RERE: variants seen among roughly 807,000 people sequenced by gnomAD.
RERE encodes the protein arginine-glutamic acid dipeptide repeats protein.
Under a neutral mutation model 146.1 loss-of-function variants are expected in RERE, and 40 were observed. That is an observed-to-expected ratio of 0.27 (90% CI 0.21 to 0.36). RERE has a LOEUF of 0.36. Among genes scored for constraint, RERE ranks in the 10% least tolerant of loss-of-function variants. The pLI, the probability that RERE is intolerant of heterozygous loss-of-function variation, is 1.00. For missense variants in RERE, 1,933 were observed against 2,138.7 expected, an observed-to-expected ratio of 0.90 and a Z score of 1.90; for synonymous variants, 1,003 against 866.0, an observed-to-expected ratio of 1.16 and a Z score of -2.78.
At chr1:8,610,135 T>C in intron 4 of RERE, among the ~76,000 whole-genome samples, 1 of 152,190 alleles carries the variant, frequency 6.6e-6, no homozygotes, top group East Asian at 1.9e-4. Context: ...TTTTAAATTA[T>C]TTTCAACACC....
rs1643792804 is a variant in RERE at position 8,416,963 on chromosome 1, T to C, written c.1284+5764A>G. On this transcript the variant is annotated intron_variant, in intron 12 of 22. Transcript: ENST00000400908. ...GGCCTGAGGAGCACACTGTGAGCAG[T>C]GAGGATAGACAACGTTTGTAGAAGA... Among the ~76,000 whole-genome samples, 2 of 151,334 alleles carry C rather than the reference T, an allele frequency of 1.3e-5. 1 individual carries two copies. Among genetic ancestry groups the C allele is most frequent in the South Asian group, 4.1e-4 (2 of 4,830 alleles).
intron 11 of RERE, chr1:8,465,208 G>A (rs1296589071): frequency 2.6e-5 from 4 of 154,516 alleles, no homozygotes; most frequent in Non-Finnish European, 5.8e-5. Context: ...ACTGTCTGCT[G>A]GATGGGAATC....
At chr1:8,501,295 C>T (rs1645148750) in intron 8 of RERE, among the ~76,000 whole-genome samples, 1 of 126,402 alleles carries the variant, frequency 7.9e-6, no homozygotes, top group Non-Finnish European at 1.7e-5. Context: ...AAGTGAGGAC[C>T]CCTCTGCCCG....
chr1:8,494,328 G>A (rs1187689765), intron 10 of RERE, among the ~76,000 whole-genome samples: 1 of 152,152 alleles, frequency 6.6e-6, no homozygotes, highest in Non-Finnish European at 1.5e-5. Flanking sequence ...CAGAAACAGT[G>A]AAGTACAAAA....
intron 6 of RERE, among the ~76,000 whole-genome samples, chr1:8,545,638 G>T (rs1379768162): frequency 6.8e-6 from 1 of 146,244 alleles, no homozygotes; most frequent in Non-Finnish European, 1.5e-5. Flanking sequence ...GGAGTCTTAA[G>T]AATAAAAAAT....
chr1:8,532,595 A>AT (rs1435113174), intron 7 of RERE, among the ~76,000 whole-genome samples: 1 of 149,770 alleles, frequency 6.7e-6, no homozygotes, highest in East Asian at 2.0e-4. Context: ...TAATATTATT[A>AT]TTTTTAATTT....
intron 8 of RERE, among the ~76,000 whole-genome samples, chr1:8,501,142 G>A (rs1186959817): frequency 6.8e-6 from 1 of 146,624 alleles, no homozygotes; most frequent in Non-Finnish European, 1.5e-5. Flanking sequence ...TGCCCGGCCA[G>A]CTGCCCCGTC....
intron 1 of RERE, among the ~76,000 whole-genome samples, chr1:8,711,187 A>G (rs1403406952): frequency 6.0e-4 from 83 of 138,598 alleles, no homozygotes; most frequent in African/African-American, 1.2e-3. Context: ...AAAAAAAAAA[A>G]GGGAGTGATA....
At chr1:8,484,495 G>A (rs1644874020) in intron 10 of RERE, among the ~76,000 whole-genome samples, 2 of 149,924 alleles carry the variant, frequency 1.3e-5, no homozygotes, top group African/African-American at 2.4e-5. Context: ...GCGCCATCTC[G>A]GCTCACTGCA....
Position 8,675,478 on chromosome 1 carries a change from G to A in RERE, c.-144-19037C>T, listed in dbSNP as rs543133342. On this transcript the variant is annotated intron_variant, in intron 1 of 22. Transcript: ENST00000400908. ...GTTCAAGACCAACCTGGGCAACGTCGCAAAACCCCATCTCTACAAAAAAAA... is the reference window on the plus strand; with the variant it reads ...GTTCAAGACCAACCTGGGCAACGTCACAAAACCCCATCTCTACAAAAAAAA... Among the ~76,000 whole-genome samples the A allele has an allele frequency of 1.1e-4, 12 of 104,590 alleles. No individual in the cohort carries two copies. The South Asian group carries it at 2.4e-3, about 21-fold the overall frequency. 68.6% of individuals were successfully genotyped at this position (104,590 alleles called of 152,430 possible).
intron 4 of RERE, among the ~76,000 whole-genome samples, chr1:8,593,302 G>C (rs1186657096): frequency 6.6e-6 from 1 of 152,178 alleles, no homozygotes; most frequent in Non-Finnish European, 1.5e-5. Flanking sequence ...ATCTCATCTT[G>C]AATTGTAGCT....
chr1:8,811,254 G>C (rs12144387), intron 1 of RERE, among the ~76,000 whole-genome samples: 1 of 152,212 alleles, frequency 6.6e-6, no homozygotes, highest in Non-Finnish European at 1.5e-5. Flanking sequence ...CACACACACT[G>C]AGTGCCTTCA....
At position 8,407,107 on chromosome 1, in the gene RERE, A is replaced by G. The variant is rs147744912; in HGVS notation, c.1284+15620T>C. ...TTGGGGCAGGCATTCGCATTAGGAA[A>G]CCCTCTGTGGTACAGGCTCTCTCAG... On this transcript the variant is annotated intron_variant, in intron 12 of 22. Coordinates refer to ENST00000400908, the MANE Select transcript of RERE (RefSeq NM_001042681.2). Among the ~76,000 whole-genome samples the G allele has an allele frequency of 1.5e-3, 221 of 151,846 alleles. 4 individuals are homozygous for G. Among genetic ancestry groups the G allele is most frequent in the Middle Eastern group, 6.8e-3 (2 of 294 alleles).
intron 12 of RERE, among the ~76,000 whole-genome samples, chr1:8,393,656 T>C (rs1642959820): frequency 6.6e-6 from 1 of 152,170 alleles, no homozygotes; most frequent in Non-Finnish European, 1.5e-5. Flanking sequence ...ATTTCTGTTA[T>C]CAATATTATT....
chr1:8,639,571 C>A (rs1453028904), intron 2 of RERE, among the ~76,000 whole-genome samples: 1 of 152,144 alleles, frequency 6.6e-6, no homozygotes, highest in Admixed American at 6.5e-5. Flanking sequence ...TAACTCCTTG[C>A]AAGGAAGAAA....
In RERE at chr1:8,591,747, T is replaced by G. The variant is rs190265523; in HGVS notation, c.522+22814A>C. ...CTCCAAATTCTCCTCCTTAGCATTA[T>G]CAACTGACAGGTTCCATCACGCATG... On this transcript the variant is annotated intron_variant, in intron 4 of 22. Transcript: ENST00000400908. 3.9e-5 allele frequency among the ~76,000 whole-genome samples: 6 copies of G among 152,322 alleles called. No homozygotes were observed. The East Asian group carries it at 9.6e-4, about 24-fold the overall frequency.
At chr1:8,700,292 G>A (rs1421830972) in intron 1 of RERE, among the ~76,000 whole-genome samples, 3 of 151,936 alleles carry the variant, frequency 2.0e-5, no homozygotes, top group African/African-American at 7.3e-5. Flanking sequence ...GTGACAGAGT[G>A]AGACTCCAAC....
chr1:8,800,256 G>A (rs756603598), intron 1 of RERE, among the ~76,000 whole-genome samples: 395 of 45,994 alleles, frequency 8.6e-3, no homozygotes, highest in Non-Finnish European at 0.013. Flanking sequence ...GAGACTCTAC[G>A]TCAAAAAAAA....
At chr1:8,810,677 G>A (rs1641789169) in intron 1 of RERE, among the ~76,000 whole-genome samples, 1 of 152,088 alleles carries the variant, frequency 6.6e-6, no homozygotes, top group Non-Finnish European at 1.5e-5. Flanking sequence ...TATTAAACTA[G>A]AATAGTAGTA....
Sources: gnomAD v4.1 joint callset for allele counts (sites outside exome capture counted in the v4.1 genomes callset) on GRCh38, gnomAD v4.1.1 for gene constraint, MANE v1.5 for transcripts, NCBI Gene and HGNC (gene_info 2026-07-23, HGNC 2026-07-21) for gene names.